The following GAN variants were observed in gnomAD, a reference collection of about 807,000 sequenced individuals.
The protein encoded by GAN is epididymis secretory sperm binding protein.
GAN carries 48 observed loss-of-function variants against 71.3 expected under a neutral mutation model. The observed-to-expected ratio is 0.67, with a 90% CI of 0.53 to 0.86. The LOEUF is 0.86. Among genes scored for constraint, GAN ranks in the 40% least tolerant of loss-of-function variants. GAN has a pLI of 0.00. For synonymous variants in GAN, 386 were observed against 276.8 expected, an observed-to-expected ratio of 1.39 and a Z score of -3.92; for missense variants, 928 against 770.1, an observed-to-expected ratio of 1.21 and a Z score of -2.43.
In GAN at chr16:81,385,491, T is replaced by C. The variant is rs946373818; in HGVS notation, c.*7895T>C. On this transcript the variant is annotated 3_prime_UTR_variant, in exon 11 of 11. Coordinates refer to ENST00000648994, the MANE Select transcript of GAN (RefSeq NM_022041.4). ...AAGGCTCCCAAGGCTCCGTTTCTTA[T>C]GTGGAAGAAGAATAGCAGGAGGACT... 1 of 152,182 alleles carries C rather than the reference T, an allele frequency of 6.6e-6. No homozygotes were observed. Among genetic ancestry groups the C allele is most frequent in the South Asian group, 2.1e-4 (1 of 4,836 alleles). 9.4% of individuals were successfully genotyped at this position (152,182 alleles called of 1,614,324 possible).
chr16:81,372,250 A>G (rs943898895), intron 9 of GAN, among the ~76,000 whole-genome samples: 1 of 152,252 alleles, frequency 6.6e-6, no homozygotes, highest in African/African-American at 2.4e-5. Flanking sequence ...AACTGAAGAC[A>G]TGATATTGCC....
rs1904321247 is a variant in GAN, at chr16:81,383,464, G to C, written c.*5868G>C. On this transcript the variant is annotated 3_prime_UTR_variant, in exon 11 of 11. Coordinates refer to ENST00000648994, the MANE Select transcript of GAN (RefSeq NM_022041.4). ...AGACGGGGTTTCACCATGTTAGCCA[G>C]CATGGTCTCGATCTCCTAAACTTCG... is the stretch of plus-strand genomic sequence containing the variant. 3 of 150,996 alleles carry C rather than the reference G, an allele frequency of 2.0e-5. No homozygotes were observed. Among genetic ancestry groups the C allele is most frequent in the Admixed American group, 1.3e-4 (2 of 15,200 alleles). 9.4% of individuals were successfully genotyped at this position (150,996 alleles called of 1,614,324 possible).
chr16:81,350,505 ATTTAC>A (rs1910263989), intron 1 of GAN, among the ~76,000 whole-genome samples: 1 of 144,000 alleles, frequency 6.9e-6, no homozygotes, highest in Non-Finnish European at 1.5e-5. Context: ...TTATTTATTT[ATTTAC>A]TTACTTAATT....
chr16:81,369,922 G>A (rs1910983086), intron 9 of GAN, among the ~76,000 whole-genome samples: 1 of 152,166 alleles, frequency 6.6e-6, no homozygotes, highest in African/African-American at 2.4e-5. Flanking sequence ...ACTTAATCAG[G>A]TGATCATACT....
At chr16:81,344,436 C>T (rs1910049547) in intron 1 of GAN, among the ~76,000 whole-genome samples, 1 of 152,152 alleles carries the variant, frequency 6.6e-6, no homozygotes, top group Non-Finnish European at 1.5e-5. Flanking sequence ...ACCAATGGAA[C>T]AGAACGGAGG....
In GAN at chr16:81,385,824, T is replaced by C. The variant is rs529403289; in HGVS notation, c.*8228T>C. On this transcript the variant is annotated 3_prime_UTR_variant, in exon 11 of 11. Transcript: ENST00000648994. ...TCTCGCTCCGTCACCCAGGCTGGAG[T>C]GCAGTGGCGCCATCTCCCAGGCTCA... The C allele has an allele frequency of 3.0e-4, 44 of 144,920 alleles. No individual in the cohort carries two copies. The highest frequency in any genetic ancestry group is 5.5e-4 in the Non-Finnish European group (37 of 67,184). 9.0% of individuals were successfully genotyped at this position (144,920 alleles called of 1,614,324 possible). A position where few individuals can be genotyped will look rare whatever the true frequency, so the allele number is the denominator to read the frequency against.
chr16:81,351,943 C>A (rs1051650293), intron 2 of GAN, among the ~76,000 whole-genome samples: 7 of 152,188 alleles, frequency 4.6e-5, no homozygotes, highest in African/African-American at 1.4e-4. Flanking sequence ...CCATTCTGAG[C>A]TCCACCTTCT....
At chr16:81,361,172 C>A (rs1206313961) in intron 5 of GAN, among the ~76,000 whole-genome samples, 2 of 152,170 alleles carry the variant, frequency 1.3e-5, no homozygotes, top group South Asian at 2.1e-4. Flanking sequence ...TTGCAGTGAT[C>A]TGTGATTGCA....
chr16:81,366,229 G>A (rs925506531), intron 9 of GAN, among the ~76,000 whole-genome samples: 5 of 152,172 alleles, frequency 3.3e-5, no homozygotes, highest in African/African-American at 1.2e-4. Flanking sequence ...TCAGGGCAAG[G>A]TCCACCTTCG....
At chr16:81,363,286 A>C (rs998563087) in intron 6 of GAN, among the ~76,000 whole-genome samples, 2 of 152,176 alleles carry the variant, frequency 1.3e-5, no homozygotes, top group Admixed American at 6.5e-5. Context: ...GTTGTGAGCT[A>C]TTATGGGTTA....
chr16:81,335,450 C>T (rs184015873), intron 1 of GAN, among the ~76,000 whole-genome samples: 43 of 152,058 alleles, frequency 2.8e-4, no homozygotes, highest in Non-Finnish European at 2.9e-5. Flanking sequence ...AACCCTGTGT[C>T]TACTAAAAAT....
chr16:81,362,981 A>T (rs1405393241), intron 6 of GAN, among the ~76,000 whole-genome samples: 1 of 152,206 alleles, frequency 6.6e-6, no homozygotes, highest in Non-Finnish European at 1.5e-5. Context: ...CCAGGCATTT[A>T]AAGTTTTTCA....
At chr16:81,352,961 G>C (rs1233685565) in intron 2 of GAN, among the ~76,000 whole-genome samples, 1 of 152,210 alleles carries the variant, frequency 6.6e-6, no homozygotes, top group African/African-American at 2.4e-5. Flanking sequence ...ATTATTTACA[G>C]ATTGAGTTCT....
chr16:81,332,192 G>A (rs1304952634), intron 1 of GAN, among the ~76,000 whole-genome samples: 1 of 151,152 alleles, frequency 6.6e-6, no homozygotes, highest in Non-Finnish European at 1.5e-5. Flanking sequence ...AGAAAAAAAA[G>A]AAGCTCATGG....
In GAN at chr16:81,377,524, C is replaced by T. The variant is rs1430133597; in HGVS notation, c.1722C>T (p.Arg574=). The change falls in exon 11 of 11, where the codon CGC becomes CGT. Residue 574 remains arginine (R), a synonymous_variant. Coordinates refer to ENST00000648994, the MANE Select transcript of GAN (RefSeq NM_022041.4). ...GCCGTACAGGATGTGCAGCCTTACG[C>T]ATTGCGAATTGCAAGCTTTTCCGCC... ...DLRRTGCAAL[R]IANCKLFRLQ... The T allele has an allele frequency of 1.9e-6, 3 of 1,614,046 alleles. No homozygotes were observed. The African/African-American group carries it at 4.0e-5, about 22-fold the overall frequency.
rs62047162 is a variant in GAN at position 81,315,501 on chromosome 16, T to A, written c.167+221T>A. Among the ~76,000 whole-genome samples the A allele has an allele frequency of 9.2e-5, 14 of 151,996 alleles. No homozygotes were observed. The South Asian group carries it at 2.9e-3, about 31-fold the overall frequency. On this transcript the variant is annotated intron_variant, in intron 1 of 10. Coordinates refer to ENST00000648994, the MANE Select transcript of GAN (RefSeq NM_022041.4). ...TGGCTTCCAGGCCCGCGCTCCCCAC[T>A]GGACCCCCGCGCCCCTTGGAGTTGT... is the stretch of plus-strand genomic sequence containing the variant.
rs1904300525 is a variant in GAN, at chr16:81,380,700, A to G, written c.*3104A>G. On this transcript the variant is annotated 3_prime_UTR_variant, in exon 11 of 11. Coordinates refer to ENST00000648994, the MANE Select transcript of GAN (RefSeq NM_022041.4). ...TCTTGAGCCTGTTGACCTTCAGTTT[A>G]TACTACTGTGTCGAACTCATATTGA... The G allele has an allele frequency of 6.6e-6, 1 of 152,212 alleles. No homozygotes were observed. 9.4% of individuals were successfully genotyped at this position (152,212 alleles called of 1,614,324 possible). A position where few individuals can be genotyped will look rare whatever the true frequency, so the allele number is the denominator to read the frequency against.
chr16:81,355,951 A>C (rs1910471122), intron 3 of GAN, among the ~76,000 whole-genome samples: 1 of 152,160 alleles, frequency 6.6e-6, no homozygotes, highest in African/African-American at 2.4e-5. Context: ...TTAGTTGGGG[A>C]AATTGGTAAA....
chr16:81,356,683 G>A, intron 3 of GAN, 102 bp from the exon 4 acceptor site: 4 of 843,276 alleles, frequency 4.7e-6, no homozygotes, highest in South Asian at 1.3e-5. Flanking sequence ...AATAACCTGA[G>A]TGTTAACAGT....
Sources: allele counts gnomAD v4.1 joint callset (sites outside exome capture counted in the v4.1 genomes callset), GRCh38; gene constraint gnomAD v4.1.1; transcripts MANE v1.5; gene names NCBI Gene and HGNC (gene_info 2026-07-23, HGNC 2026-07-21).